RSPH14: variants seen among roughly 807,000 people sequenced by gnomAD.
The protein encoded by RSPH14 is radial spoke head 14 homolog.
In RSPH14, 20 loss-of-function variants were observed where a neutral mutation model predicts 26.7. The ratio of observed to expected loss-of-function variants is 0.75; its 90% CI spans 0.53 to 1.09. The LOEUF (loss-of-function observed/expected upper bound fraction) is 1.09, where lower values mean the gene tolerates loss of function less well. RSPH14 is among the 50% of genes least tolerant of loss of function. The pLI is 0.00. For missense variants in RSPH14, 449 were observed against 457.2 expected (o/e 0.98, Z 0.16); for synonymous variants, 177 against 189.3 (o/e 0.93, Z 0.53).
At chr22:23,117,270 C>T (rs1388545334) in intron 4 of RSPH14, among the ~76,000 whole-genome samples, 1 of 152,150 alleles carries the variant, frequency 6.6e-6, no homozygotes, top group East Asian at 1.9e-4. Flanking sequence ...GAGGTGCCGA[C>T]ACGGTATGTT....
chr22:23,157,745 C>T, the RSPH14 span, among the ~76,000 whole-genome samples: 1 of 152,242 alleles, frequency 6.6e-6, no homozygotes, highest in Non-Finnish European at 1.5e-5. Flanking sequence ...GCTCGCTCCA[C>T]GCCTACCTTG....
chr22:23,123,696 T>A (rs1452565643), intron 4 of RSPH14: 1 of 493,604 alleles, frequency 2.0e-6, no homozygotes, highest in African/African-American at 1.9e-5. Flanking sequence ...TCTTGAAGAC[T>A]TGAGAAGCTG....
At chr22:23,130,089 A>AAGAAAGAAAG (rs1229642883) in intron 4 of RSPH14, among the ~76,000 whole-genome samples, 1 of 19,088 alleles carries the variant, frequency 5.2e-5, no homozygotes, top group African/African-American at 1.1e-4. Flanking sequence ...GAAAGGAAGA[A>AAGAAAGAAAG]AGAAAGAAAG....
At chr22:23,117,589 G>A (rs752254791) in intron 4 of RSPH14, among the ~76,000 whole-genome samples, 17 of 152,242 alleles carry the variant, frequency 1.1e-4, no homozygotes, top group Non-Finnish European at 1.0e-4. Context: ...GTGCCAAGGC[G>A]AATCACAGTG....
At chr22:23,130,618 G>C (rs985563361) in intron 4 of RSPH14, among the ~76,000 whole-genome samples, 9 of 152,162 alleles carry the variant, frequency 5.9e-5, no homozygotes, top group Admixed American at 3.9e-4. Flanking sequence ...AGCCTGGTTT[G>C]AAATGATATT....
the RSPH14 span, among the ~76,000 whole-genome samples, chr22:23,175,075 C>A: frequency 6.6e-6 from 1 of 150,892 alleles, no homozygotes; most frequent in Non-Finnish European, 1.5e-5. Flanking sequence ...TGGCTCACTA[C>A]AAGCTCCGCC....
chr22:23,177,178 G>A, the RSPH14 span, among the ~76,000 whole-genome samples: 4 of 152,184 alleles, frequency 2.6e-5, no homozygotes, highest in African/African-American at 9.7e-5. Context: ...ACAGAACTTT[G>A]AAGCCTCCTT....
At chr22:23,140,153 A>C (rs538705047) in intron 2 of RSPH14, 69 bp downstream of exon 2, 1 of 1,584,772 alleles carries the variant, frequency 6.3e-7, no homozygotes, top group South Asian at 1.1e-5. Context: ...CTTATTACTG[A>C]AGTTCTACCC....
At position 23,139,126 on chromosome 22, in the gene RSPH14, G is replaced by A. The variant is rs757834499; in HGVS notation, c.200-184C>T. ...TTTCAGAGTCACTGAAGAGGCTCATGTCTCATCCAACCCTCCTTGTGATTC... is the reference window on the plus strand; with the variant it reads ...TTTCAGAGTCACTGAAGAGGCTCATATCTCATCCAACCCTCCTTGTGATTC... On this transcript the variant is annotated intron_variant, in intron 2 of 6. Coordinates refer to ENST00000216036, the MANE Select transcript of RSPH14 (RefSeq NM_014433.3). Among the ~76,000 whole-genome samples, 3 of 152,194 alleles carry A rather than the reference G, an allele frequency of 2.0e-5. No homozygotes were observed. The East Asian group carries it at 5.8e-4, about 29-fold the overall frequency.
the RSPH14 span, among the ~76,000 whole-genome samples, chr22:23,166,543 C>T: frequency 6.6e-6 from 1 of 152,100 alleles, no homozygotes; most frequent in Non-Finnish European, 1.5e-5. Context: ...CCTGCTTTAG[C>T]CTCTCCAGCT....
intron 4 of RSPH14, among the ~76,000 whole-genome samples, chr22:23,128,999 A>G (rs1013488885): frequency 1.3e-5 from 2 of 152,124 alleles, no homozygotes; most frequent in African/African-American, 4.8e-5. Flanking sequence ...CTGCTCAGAG[A>G]CTGTCCCAGC....
At chr22:23,177,805 A>G in the RSPH14 span, among the ~76,000 whole-genome samples, 2 of 152,186 alleles carry the variant, frequency 1.3e-5, no homozygotes, top group Non-Finnish European at 2.9e-5. Flanking sequence ...AAACAGCTTC[A>G]GAGTTTACTT....
chr22:23,166,146 TTAAAA>T, the RSPH14 span, among the ~76,000 whole-genome samples: 1 of 82,176 alleles, frequency 1.2e-5, no homozygotes, highest in Non-Finnish European at 2.2e-5. Flanking sequence ...ACTCTGTCTT[TTAAAA>T]AAAAAAAAAA....
At chr22:23,165,191 A>G in the RSPH14 span, among the ~76,000 whole-genome samples, 305 of 152,266 alleles carry the variant, frequency 2.0e-3, 1 homozygote, top group African/African-American at 6.9e-3. Flanking sequence ...GGTGCTCAAT[A>G]GATGTGTAAA....
At chr22:23,098,451 G>T (rs2069189837) in intron 4 of RSPH14, among the ~76,000 whole-genome samples, 11 of 152,174 alleles carry the variant, frequency 7.2e-5, no homozygotes, top group Admixed American at 6.5e-4. Context: ...TCCCAGGCCT[G>T]TCCCTGGGGA....
chr22:23,097,276 G>T (rs1420218636), intron 4 of RSPH14, among the ~76,000 whole-genome samples: 1 of 152,220 alleles, frequency 6.6e-6, no homozygotes, highest in Non-Finnish European at 1.5e-5. Context: ...CCACTTGGGA[G>T]CACTGGCCTC....
At chr22:23,175,274 A>G in the RSPH14 span, among the ~76,000 whole-genome samples, 1 of 152,204 alleles carries the variant, frequency 6.6e-6, no homozygotes, top group Admixed American at 6.5e-5. Context: ...CTGGGATTAC[A>G]GGCGTCAGCC....
At chr22:23,151,781 A>AG in the RSPH14 span, among the ~76,000 whole-genome samples, 1 of 152,178 alleles carries the variant, frequency 6.6e-6, no homozygotes, top group Non-Finnish European at 1.5e-5. Context: ...ACAGAGGGTG[A>AG]GGGTGGCGGC....
chr22:23,081,821 CAAAAAAAAAA>C (rs55713577), intron 4 of RSPH14, among the ~76,000 whole-genome samples: 1 of 46,746 alleles, frequency 2.1e-5, no homozygotes, highest in Non-Finnish European at 3.8e-5. Context: ...GATTCCATCT[CAAAAAAAAAA>C]AAAAAAAAAA....
Sources: allele counts gnomAD v4.1 joint callset (sites outside exome capture counted in the v4.1 genomes callset), GRCh38; gene constraint gnomAD v4.1.1; transcripts MANE v1.5; gene names NCBI Gene and HGNC (gene_info 2026-07-23, HGNC 2026-07-21).